ANKS1B: variants seen among roughly 807,000 people sequenced by gnomAD.
ANKS1B encodes the protein ankyrin repeat and sterile alpha motif domain containing 1B, also known as ankyrin repeat and sterile alpha motif domain-containing protein 1B.
ANKS1B carries 36 observed loss-of-function variants against 148.3 expected under a neutral mutation model. That is an observed-to-expected ratio of 0.24 (90% CI 0.19 to 0.32). The LOEUF (loss-of-function observed/expected upper bound fraction) is 0.32. ANKS1B is among the 10% of genes least tolerant of loss of function. The pLI, the probability that ANKS1B is intolerant of heterozygous loss-of-function variation, is 1.00. For synonymous variants in ANKS1B, 542 were observed against 560.8 expected (o/e 0.97, Z 0.47); for missense variants, 1,157 against 1,542.6 (o/e 0.75, Z 4.19).
At chr12:99,333,854 GT>G (rs10526476) in intron 12 of ANKS1B, among the ~76,000 whole-genome samples, 3,073 of 107,474 alleles carry the variant, frequency 0.029, 107 homozygotes, top group East Asian at 0.1. Context: ...CCAGTTCTCA[GT>G]TTTTTTTTTT....
intron 1 of ANKS1B, among the ~76,000 whole-genome samples, chr12:99,877,913 G>A (rs2092228394): frequency 1.3e-5 from 2 of 152,048 alleles, no homozygotes; most frequent in African/African-American, 2.4e-5. Flanking sequence ...ACAAAAATTA[G>A]CCAGACATTG....
At chr12:98,838,444 A>G (rs2153714860) in intron 17 of ANKS1B, among the ~76,000 whole-genome samples, 1 of 147,140 alleles carries the variant, frequency 6.8e-6, no homozygotes, top group Non-Finnish European at 1.5e-5. Context: ...AATGTTCCTC[A>G]GTGCCATATT....
At chr12:98,749,754 C>A (rs2098025026) in intron 26 of ANKS1B, among the ~76,000 whole-genome samples, 1 of 152,124 alleles carries the variant, frequency 6.6e-6, no homozygotes, top group East Asian at 1.9e-4. Flanking sequence ...GCAGAGGGTG[C>A]CATGACTGAT....
chr12:99,163,828 T>C (rs1315294049), intron 14 of ANKS1B, among the ~76,000 whole-genome samples: 1 of 152,188 alleles, frequency 6.6e-6, no homozygotes, highest in Non-Finnish European at 1.5e-5. Context: ...TGAGTAGTAT[T>C]CCATGATATG....
At chr12:98,781,531 T>G (rs1301117474) in intron 23 of ANKS1B, 1 of 444,968 alleles carries the variant, frequency 2.2e-6, no homozygotes, top group Non-Finnish European at 4.4e-6. Flanking sequence ...GAGGTCTGTC[T>G]CCTACTGCAA....
At chr12:99,083,906 C>A (rs2050716034) in intron 16 of ANKS1B, 1 of 152,128 alleles carries the variant, frequency 6.6e-6, no homozygotes, top group African/African-American at 2.4e-5. Flanking sequence ...GGCCATAGAT[C>A]TGAAATGCAT....
Position 99,308,199 on chromosome 12 carries a change from C to T in ANKS1B, c.1757-61335G>A, listed in dbSNP as rs1035333574. Among the ~76,000 whole-genome samples the T allele has an allele frequency of 9.2e-5, 14 of 152,028 alleles. 1 individual carries two copies. Among genetic ancestry groups the T allele is most frequent in the African/African-American group, 7.2e-5 (3 of 41,426 alleles). On this transcript the variant is annotated intron_variant, in intron 12 of 26. Transcript: ENST00000683438. ...AGAACAAGAATCAGAGCAATCACTACATAGCTCTATGAATTTGCTGCAGAG... is the reference window on the plus strand; with the variant it reads ...AGAACAAGAATCAGAGCAATCACTATATAGCTCTATGAATTTGCTGCAGAG...
At chr12:98,941,593 A>G (rs1294203976) in intron 17 of ANKS1B, among the ~76,000 whole-genome samples, 3 of 152,196 alleles carry the variant, frequency 2.0e-5, no homozygotes, top group African/African-American at 4.8e-5. Context: ...CAAGTAGGGG[A>G]ATTTGCAAAT....
chr12:98,895,329 C>A, intron 17 of ANKS1B: 7 of 984,524 alleles, frequency 7.1e-6, no homozygotes, highest in Non-Finnish European at 7.2e-6. Flanking sequence ...CCGCGCACTC[C>A]GGGAGGCCGC....
intron 17 of ANKS1B, among the ~76,000 whole-genome samples, chr12:98,968,162 G>A (rs2099880135): frequency 1.3e-5 from 2 of 152,204 alleles, no homozygotes; most frequent in South Asian, 4.2e-4. Flanking sequence ...CTGGGATCTG[G>A]CAGTGATCTT....
At chr12:98,804,319 T>G (rs775905668) in intron 20 of ANKS1B, among the ~76,000 whole-genome samples, 5 of 152,198 alleles carry the variant, frequency 3.3e-5, no homozygotes, top group Non-Finnish European at 7.4e-5. Context: ...CAGAAATTCA[T>G]TTTTAAACAG....
chr12:99,850,281 G>GTCTCTC lies in ANKS1B; in HGVS notation c.135-24898_135-24893dup, dbSNP rs71436968. ...TTGAGAAAACAGCAGAAGCAAGAAA[G>GTCTCTC]TCTCTCTCTCTCTCTCTCTCTCTCT... On this transcript the variant is annotated intron_variant, in intron 1 of 26. Transcript: ENST00000683438. Among the ~76,000 whole-genome samples, 775 of 114,242 alleles carry GTCTCTC rather than the reference G, an allele frequency of 6.8e-3. 14 individuals are homozygous for GTCTCTC. Among genetic ancestry groups the GTCTCTC allele is most frequent in the Middle Eastern group, 0.011 (2 of 182 alleles). 74.9% of individuals were successfully genotyped at this position (114,242 alleles called of 152,430 possible).
chr12:99,207,294 T>C (rs2082788095), intron 14 of ANKS1B, among the ~76,000 whole-genome samples: 1 of 152,182 alleles, frequency 6.6e-6, no homozygotes, highest in Non-Finnish European at 1.5e-5. Context: ...ATGTAAATGG[T>C]ATAAAAGTTT....
At chr12:99,536,261 T>C (rs2097064591) in intron 9 of ANKS1B, among the ~76,000 whole-genome samples, 1 of 152,124 alleles carries the variant, frequency 6.6e-6, no homozygotes, top group Admixed American at 6.6e-5. Context: ...GGTTCATCAA[T>C]TGTAACAAAT....
chr12:99,233,746 A>G (rs1437946327), intron 14 of ANKS1B, among the ~76,000 whole-genome samples: 2 of 152,128 alleles, frequency 1.3e-5, no homozygotes, highest in African/African-American at 4.8e-5. Context: ...CTACTACACA[A>G]TTGCTGAGAA....
intron 12 of ANKS1B, among the ~76,000 whole-genome samples, chr12:99,263,411 G>C (rs561458980): frequency 1.5e-3 from 224 of 152,112 alleles, no homozygotes; most frequent in African/African-American, 5.2e-3. Context: ...ACAATATTGA[G>C]AACAATTAGT....
chr12:99,726,158 T>C (rs948469587), intron 8 of ANKS1B, among the ~76,000 whole-genome samples: 2 of 151,864 alleles, frequency 1.3e-5, no homozygotes, highest in South Asian at 2.1e-4. Flanking sequence ...CTGAAGGGGA[T>C]AGAGACACAA....
chr12:99,371,138 T>C (rs2093109480), intron 12 of ANKS1B, among the ~76,000 whole-genome samples: 3 of 152,150 alleles, frequency 2.0e-5, no homozygotes, highest in South Asian at 4.1e-4. Context: ...CTGCTTTTTT[T>C]GTGTGTGTGT....
At chr12:99,391,120 T>C (rs2094050872) in intron 12 of ANKS1B, among the ~76,000 whole-genome samples, 1 of 152,222 alleles carries the variant, frequency 6.6e-6, no homozygotes. Flanking sequence ...AACAAAAAGC[T>C]AATTCAAACT....
Sources: gnomAD v4.1 joint callset for allele counts (sites outside exome capture counted in the v4.1 genomes callset) on GRCh38, gnomAD v4.1.1 for gene constraint, MANE v1.5 for transcripts, NCBI Gene and HGNC (gene_info 2026-07-23, HGNC 2026-07-21) for gene names.